Variants in MYRIP observed in about 807,000 individuals in gnomAD.
The protein encoded by MYRIP is rab effector MyRIP.
Under a neutral mutation model 98.0 loss-of-function variants are expected in MYRIP, and 49 were observed. The ratio of observed to expected loss-of-function variants is 0.50; its 90% CI spans 0.40 to 0.63. MYRIP has a LOEUF of 0.63. MYRIP is among the 30% of genes least tolerant of loss of function. MYRIP has a pLI of 0.00. For synonymous variants in MYRIP, 404 were observed against 409.5 expected (o/e 0.99, Z 0.16); for missense variants, 1,004 against 1,058.2 (o/e 0.95, Z 0.71).
At chr3:40,231,305 G>A (rs971048680) in intron 11 of MYRIP, among the ~76,000 whole-genome samples, 2 of 152,222 alleles carry the variant, frequency 1.3e-5, no homozygotes, top group Non-Finnish European at 2.9e-5. Context: ...GTAAGTCAAC[G>A]TGACAAGTGG....
At chr3:40,248,287 A>C (rs566748830) in intron 13 of MYRIP, 1 of 152,324 alleles carries the variant, frequency 6.6e-6, no homozygotes, top group East Asian at 1.9e-4. Context: ...GCATCATGCA[A>C]GTTGTCTCTA....
At chr3:40,189,798 C>T (rs200082813) in intron 9 of MYRIP, 28 bp from the exon 10 acceptor site, 149 of 1,568,574 alleles carry the variant, frequency 9.5e-5, no homozygotes, top group Non-Finnish European at 1.2e-4. Flanking sequence ...CAGCCCCTCT[C>T]TGCTTTCTCT....
At chr3:39,936,514 T>C (rs1944658607) in intron 2 of MYRIP, among the ~76,000 whole-genome samples, 1 of 152,016 alleles carries the variant, frequency 6.6e-6, no homozygotes, top group East Asian at 1.9e-4. Flanking sequence ...AAACAAGACA[T>C]GGTAGGGTGG....
intron 2 of MYRIP, among the ~76,000 whole-genome samples, chr3:39,914,803 A>G (rs1944113879): frequency 6.6e-6 from 1 of 152,102 alleles, no homozygotes. Context: ...AATAGTTGAG[A>G]AAAATGGTAT....
intron 2 of MYRIP, among the ~76,000 whole-genome samples, chr3:39,981,242 C>A (rs987095031): frequency 2.0e-5 from 3 of 152,056 alleles, no homozygotes; most frequent in African/African-American, 7.2e-5. Flanking sequence ...TTCTTTGAGG[C>A]CAATCTGGTT....
intron 2 of MYRIP, among the ~76,000 whole-genome samples, chr3:39,987,887 A>T (rs1041571745): frequency 6.6e-6 from 1 of 152,218 alleles, no homozygotes; most frequent in East Asian, 1.9e-4. Context: ...ACTATTCACA[A>T]TAGCAAAGAC....
chr3:39,938,956 C>A (rs1254314166), intron 2 of MYRIP, among the ~76,000 whole-genome samples: 1 of 152,170 alleles, frequency 6.6e-6, no homozygotes, highest in East Asian at 1.9e-4. Flanking sequence ...CTCTTCCCAC[C>A]TTGTTATCCT....
chr3:39,958,389 A>T (rs909804772), intron 2 of MYRIP, among the ~76,000 whole-genome samples: 3 of 152,176 alleles, frequency 2.0e-5, no homozygotes, highest in East Asian at 1.9e-4. Context: ...GCTACAACCA[A>T]CTGATCTTTG....
At chr3:40,058,629 T>C (rs922699638) in intron 3 of MYRIP, among the ~76,000 whole-genome samples, 1 of 152,154 alleles carries the variant, frequency 6.6e-6, no homozygotes, top group Non-Finnish European at 1.5e-5. Flanking sequence ...GATTATGAAC[T>C]AAAACATTAT....
At chr3:39,926,401 T>G (rs1004945646) in intron 2 of MYRIP, among the ~76,000 whole-genome samples, 2 of 152,144 alleles carry the variant, frequency 1.3e-5, no homozygotes, top group Admixed American at 1.3e-4. Context: ...AGTCATAAAT[T>G]CCTTGCCAAG....
chr3:40,143,580 G>A (rs749573854), intron 3 of MYRIP, among the ~76,000 whole-genome samples: 3 of 152,192 alleles, frequency 2.0e-5, no homozygotes, highest in Non-Finnish European at 2.9e-5. Flanking sequence ...AAAGCTGTCT[G>A]CGTTAACTCT....
chr3:40,019,725 C>CT (rs573004959), intron 2 of MYRIP, among the ~76,000 whole-genome samples: 2 of 150,158 alleles, frequency 1.3e-5, no homozygotes, highest in Admixed American at 6.6e-5. Context: ...CCCCCCCCCG[C>CT]TTTTTTTTGT....
intron 2 of MYRIP, among the ~76,000 whole-genome samples, chr3:39,954,889 G>C (rs1036637543): frequency 1.3e-5 from 2 of 152,252 alleles, no homozygotes; most frequent in Non-Finnish European, 2.9e-5. Context: ...ACAAGCTTCA[G>C]TAGCTGATTT....
At chr3:40,036,867 C>T (rs1445003037) in intron 2 of MYRIP, among the ~76,000 whole-genome samples, 5 of 151,966 alleles carry the variant, frequency 3.3e-5, no homozygotes, top group African/African-American at 1.2e-4. Context: ...ATGTAGAACA[C>T]CAGAGGAAAT....
chr3:40,029,880 CA>C (rs540907064), intron 2 of MYRIP, among the ~76,000 whole-genome samples: 113 of 151,928 alleles, frequency 7.4e-4, no homozygotes, highest in Non-Finnish European at 1.4e-3. Flanking sequence ...GGCAGCAAAG[CA>C]AGACCCCGTC....
At chr3:40,158,172 TC>T (rs1950288638) in intron 4 of MYRIP, among the ~76,000 whole-genome samples, 1 of 152,196 alleles carries the variant, frequency 6.6e-6, no homozygotes, top group South Asian at 2.1e-4. Context: ...TTTGAATGCG[TC>T]CCAGAGATTC....
intron 2 of MYRIP, among the ~76,000 whole-genome samples, chr3:39,986,885 T>C (rs1385284352): frequency 6.6e-6 from 1 of 152,118 alleles, no homozygotes; most frequent in African/African-American, 2.4e-5. Context: ...AGGCCATATC[T>C]CTGCTTGTCC....
intron 2 of MYRIP, among the ~76,000 whole-genome samples, chr3:39,982,454 C>T (rs1195909462): frequency 1.3e-5 from 2 of 152,056 alleles, no homozygotes; most frequent in Non-Finnish European, 1.5e-5. Context: ...AGGAAATTAC[C>T]AAATGAACCA....
chr3:40,035,112 T>C (rs1947348951), intron 2 of MYRIP, among the ~76,000 whole-genome samples: 1 of 146,664 alleles, frequency 6.8e-6, no homozygotes, highest in Admixed American at 6.8e-5. Flanking sequence ...TTAGGAGATA[T>C]ACCTAATGCT....
Sources: gnomAD v4.1 joint callset for allele counts (sites outside exome capture counted in the v4.1 genomes callset) on GRCh38, gnomAD v4.1.1 for gene constraint, MANE v1.5 for transcripts, NCBI Gene and HGNC (gene_info 2026-07-23, HGNC 2026-07-21) for gene names.